HTR2A: variants seen among roughly 807,000 people sequenced by gnomAD.
HTR2A encodes 5-HT2 receptor.
In HTR2A, 14 loss-of-function variants were observed where a neutral mutation model predicts 31.0. The ratio of observed to expected loss-of-function variants is 0.45; its 90% CI spans 0.30 to 0.71. The LOEUF (loss-of-function observed/expected upper bound fraction) is 0.71. Ranked by LOEUF, HTR2A falls within the 30% of genes least tolerant of loss-of-function variation. HTR2A has a pLI of 0.09. For missense variants in HTR2A, 442 were observed against 573.3 expected (o/e 0.77, Z 2.34); for synonymous variants, 209 against 225.2 (o/e 0.93, Z 0.64).
At chr13:46,841,246 G>A (rs1443912515) in intron 3 of HTR2A, among the ~76,000 whole-genome samples, 5 of 151,852 alleles carry the variant, frequency 3.3e-5, no homozygotes, top group East Asian at 1.9e-4. Context: ...AGACTAATAC[G>A]CCGATGTTGC....
At chr13:46,894,759 C>T (rs1479613749) in intron 2 of HTR2A, among the ~76,000 whole-genome samples, 1 of 152,192 alleles carries the variant, frequency 6.6e-6, no homozygotes, top group Non-Finnish European at 1.5e-5. Context: ...AGAGGTCTGA[C>T]TGTTTCAAAC....
At chr13:46,884,904 C>T (rs1950994752) in intron 3 of HTR2A, among the ~76,000 whole-genome samples, 1 of 152,128 alleles carries the variant, frequency 6.6e-6, no homozygotes, top group Non-Finnish European at 1.5e-5. Flanking sequence ...ATGCATACCA[C>T]TCCAAAACTT....
At chr13:46,845,643 C>CAAAAAAAAAAA (rs11394720) in intron 3 of HTR2A, among the ~76,000 whole-genome samples, 1 of 112,982 alleles carries the variant, frequency 8.9e-6, no homozygotes, top group Admixed American at 9.6e-5. Flanking sequence ...TTCATCACTC[C>CAAAAAAAAAAA]AAAAAAAAAA....
Position 46,835,571 on chromosome 13 carries a change from A to T in HTR2A, c.682T>A (p.Leu228Ile). 6.2e-7 allele frequency: 1 copy of T among 1,614,100 alleles called. No homozygotes were observed. The change falls in exon 4 of 4, where the codon TTA becomes ATA. Residue 228 changes from leucine (L) to isoleucine (I), a missense_variant. Transcript: ENST00000542664. ...AGGACAAAGTTATCATCGGCGAGTA[A>T]GCAACTCCCCTCCTTAAAGACCTTC... Reference protein sequence around the residue: ...DSKVFKEGSCLLADDNFVLIG... With the variant: ...DSKVFKEGSCILADDNFVLIG...
At chr13:46,839,157 G>C (rs1950580736) in intron 3 of HTR2A, among the ~76,000 whole-genome samples, 2 of 152,014 alleles carry the variant, frequency 1.3e-5, no homozygotes, top group Admixed American at 6.6e-5. Flanking sequence ...GTCTGGAAGG[G>C]GGATATTAAT....
rs183573424 is a variant in HTR2A, at chr13:46,844,593, C to A, written c.614-8954G>T. Among the ~76,000 whole-genome samples the A allele has an allele frequency of 1.2e-4, 18 of 152,258 alleles. No homozygotes were observed. In the East Asian group the frequency reaches 3.5e-3, roughly 29 times the overall value. On this transcript the variant is annotated intron_variant, in intron 3 of 3. Coordinates refer to ENST00000542664, the MANE Select transcript of HTR2A (RefSeq NM_000621.5). ...TGCCTAGTGAGAATCAGGAGACTTG[C>A]GTTTATTCCTGTCTGTTCTGACTCA...
At chr13:46,854,617 G>A (rs1049060767) in intron 3 of HTR2A, among the ~76,000 whole-genome samples, 1 of 152,086 alleles carries the variant, frequency 6.6e-6, no homozygotes, top group Non-Finnish European at 1.5e-5. Flanking sequence ...CCCAGCCCTG[G>A]CTCTGACATC....
At chr13:46,886,121 G>T (rs1951004570) in intron 3 of HTR2A, among the ~76,000 whole-genome samples, 1 of 152,134 alleles carries the variant, frequency 6.6e-6, no homozygotes, top group African/African-American at 2.4e-5. Flanking sequence ...TGCTTTTAAA[G>T]ATCTATTCTG....
At chr13:46,891,096 G>A (rs947423086) in intron 3 of HTR2A, among the ~76,000 whole-genome samples, 8 of 152,180 alleles carry the variant, frequency 5.3e-5, no homozygotes, top group African/African-American at 1.9e-4. Flanking sequence ...TCCTAGTCCT[G>A]CTGCAAGTTG....
chr13:46,895,255 A>G lies in HTR2A; in HGVS notation c.412+240T>C. On this transcript the variant is annotated intron_variant, in intron 2 of 3. Coordinates refer to ENST00000542664, the MANE Select transcript of HTR2A (RefSeq NM_000621.5). The surrounding 1 kb of genome is among the most constrained non-coding windows in gnomAD (Gnocchi z 4.4). ...AAAACTCTCCAATGATCATTTTTACACAGGATGTACGCGTTTTGAAGCACA... is the reference window on the plus strand; with the variant it reads ...AAAACTCTCCAATGATCATTTTTACGCAGGATGTACGCGTTTTGAAGCACA... 2.4e-6 allele frequency: 1 copy of G among 418,826 alleles called. No homozygotes were observed. The allele number at this position is 418,826 out of a possible 1,614,324, so 25.9% of individuals were successfully genotyped here.
intron 3 of HTR2A, among the ~76,000 whole-genome samples, chr13:46,850,431 G>A (rs1307186678): frequency 6.6e-6 from 1 of 152,234 alleles, no homozygotes. Flanking sequence ...AGTTAGGCAA[G>A]TTGCCAAATG....
At chr13:46,840,181 A>G (rs1950587301) in intron 3 of HTR2A, among the ~76,000 whole-genome samples, 2 of 152,308 alleles carry the variant, frequency 1.3e-5, no homozygotes, top group Admixed American at 1.3e-4. Flanking sequence ...CAAATTTACT[A>G]GTAGTTTGAC....
chr13:46,872,281 C>T (rs1950868060), intron 3 of HTR2A, among the ~76,000 whole-genome samples: 1 of 152,062 alleles, frequency 6.6e-6, no homozygotes, highest in Admixed American at 6.6e-5. Context: ...AAGACATAGC[C>T]CCTGTCCTTG....
intron 3 of HTR2A, among the ~76,000 whole-genome samples, chr13:46,864,944 G>GT (rs58980985): frequency 1.5e-4 from 23 of 152,080 alleles, no homozygotes; most frequent in Middle Eastern, 3.4e-3. Flanking sequence ...TTGTAAAGAG[G>GT]TTTTTTTTTA....
At chr13:46,889,960 C>A (rs910764827) in intron 3 of HTR2A, among the ~76,000 whole-genome samples, 1 of 152,148 alleles carries the variant, frequency 6.6e-6, no homozygotes, top group Non-Finnish European at 1.5e-5. Flanking sequence ...GTTTCCTTGT[C>A]TTCTCCTACC....
chr13:46,866,713 G>T (rs1321518050), intron 3 of HTR2A, among the ~76,000 whole-genome samples: 3 of 152,178 alleles, frequency 2.0e-5, no homozygotes, highest in African/African-American at 7.2e-5. Context: ...CATAATAAAT[G>T]CTTTACATAA....
chr13:46,878,384 A>G (rs1201475903), intron 3 of HTR2A, among the ~76,000 whole-genome samples: 1 of 152,194 alleles, frequency 6.6e-6, no homozygotes, highest in South Asian at 2.1e-4. Flanking sequence ...AGAAACAGGT[A>G]GACAATGAGT....
chr13:46,866,337 C>T (rs1245299868), intron 3 of HTR2A, among the ~76,000 whole-genome samples: 2 of 152,106 alleles, frequency 1.3e-5, no homozygotes. Context: ...TTCCTCCCTT[C>T]TCTGCCTGCT....
In HTR2A at chr13:46,896,872, T is replaced by A. The variant is rs1181591080; in HGVS notation, c.-527A>T. 3 of 1,528,732 alleles carry A rather than the reference T, an allele frequency of 2.0e-6. No individual in the cohort carries two copies. Among genetic ancestry groups the A allele is most frequent in the South Asian group, 1.2e-5 (1 of 82,974 alleles). The allele number at this position is 1,528,732 out of a possible 1,614,324, so 94.7% of individuals were successfully genotyped here. A position where few individuals can be genotyped will look rare whatever the true frequency, so the allele number is the denominator to read the frequency against. Reference sequence around the variant, plus strand: ...CAGCTCCCGCACTGCTAGGATCCTGTTGGCTTCCTCTGGCACGGCTCGGCT... The same window carrying A: ...CAGCTCCCGCACTGCTAGGATCCTGATGGCTTCCTCTGGCACGGCTCGGCT... On this transcript the variant is annotated 5_prime_UTR_variant, in exon 1 of 4. Coordinates refer to ENST00000542664, the MANE Select transcript of HTR2A (RefSeq NM_000621.5).
Sources: gnomAD v4.1 joint callset for allele counts (sites outside exome capture counted in the v4.1 genomes callset) on GRCh38, gnomAD v4.1.1 for gene constraint, Gnocchi (gnomAD v3.1) non-coding constraint, MANE v1.5 for transcripts, NCBI Gene and HGNC (gene_info 2026-07-23, HGNC 2026-07-21) for gene names.